Variants in RNF145 observed in about 807,000 individuals in gnomAD.
RNF145 encodes ring finger protein 145.
A neutral mutation model predicts 57.3 loss-of-function variants in RNF145; 12 were observed. That is an observed-to-expected ratio of 0.21 (90% confidence interval 0.13 to 0.34). The LOEUF (loss-of-function observed/expected upper bound fraction) is 0.34. RNF145 is among the 10% of genes least tolerant of loss of function. The pLI is 1.00. For missense variants in RNF145, 429 were observed against 799.0 expected, an observed-to-expected ratio of 0.54 and a Z score of 5.58; for synonymous variants, 262 against 288.3, an observed-to-expected ratio of 0.91 and a Z score of 0.92.
chr5:159,171,276 T>C (rs1784546269), intron 6 of RNF145, among the ~76,000 whole-genome samples: 1 of 152,212 alleles, frequency 6.6e-6, no homozygotes, highest in African/African-American at 2.4e-5. Context: ...TTTTACAACA[T>C]GAGAATCATG....
At chr5:159,166,191 A>T (rs1381387315) in intron 8 of RNF145, among the ~76,000 whole-genome samples, 2 of 152,100 alleles carry the variant, frequency 1.3e-5, no homozygotes, top group Non-Finnish European at 2.9e-5. Context: ...AATGATGCTG[A>T]ACTTCTCTTC....
intron 9 of RNF145, among the ~76,000 whole-genome samples, chr5:159,162,216 G>C (rs1041337083): frequency 2.0e-5 from 3 of 151,930 alleles, no homozygotes; most frequent in Non-Finnish European, 2.9e-5. Flanking sequence ...TATACATCGT[G>C]GAACTATTGG....
intron 3 of RNF145, among the ~76,000 whole-genome samples, chr5:159,183,918 A>G (rs945792328): frequency 7.9e-5 from 12 of 152,204 alleles, no homozygotes; most frequent in African/African-American, 2.9e-4. Context: ...TGACAGCTGC[A>G]CAACATTATG....
rs1050528098 is a variant in RNF145, at chr5:159,209,361, G to A, written c.-170C>T. ...GGGCCGGTACGGCACGGCTCACAGC[G>A]GCGGCTCTTCTGCGCCGAGCCTCGG... On this transcript the variant is annotated 5_prime_UTR_variant, in exon 1 of 11. Coordinates refer to ENST00000424310, the MANE Select transcript of RNF145 (RefSeq NM_001199383.2). 9 of 985,932 alleles carry A rather than the reference G, an allele frequency of 9.1e-6. No homozygotes were observed. The highest frequency in any genetic ancestry group is 1.2e-4 in the Admixed American group (2 of 16,254). The allele number at this position is 985,932 out of a possible 1,614,324, so 61.1% of individuals were successfully genotyped here. A position where few individuals can be genotyped will look rare whatever the true frequency, so the allele number is the denominator to read the frequency against.
intron 3 of RNF145, among the ~76,000 whole-genome samples, chr5:159,193,441 G>A (rs1008822242): frequency 2.0e-5 from 3 of 152,082 alleles, no homozygotes; most frequent in Non-Finnish European, 4.4e-5. Flanking sequence ...AAACACCCTG[G>A]GACTTTGAGA....
At chr5:159,178,606 T>C (rs1252761794) in intron 4 of RNF145, among the ~76,000 whole-genome samples, 1 of 152,066 alleles carries the variant, frequency 6.6e-6, no homozygotes, top group East Asian at 1.9e-4. Context: ...TCTATCCATA[T>C]ACATGTTGAA....
At chr5:159,164,631 T>C (rs1784334817) in intron 8 of RNF145, among the ~76,000 whole-genome samples, 1 of 152,060 alleles carries the variant, frequency 6.6e-6, no homozygotes, top group Non-Finnish European at 1.5e-5. Context: ...AAAAGCAAAT[T>C]TCAAATAAAA....
At chr5:159,179,391 T>C (rs1166296560) in intron 4 of RNF145, among the ~76,000 whole-genome samples, 1 of 152,088 alleles carries the variant, frequency 6.6e-6, no homozygotes, top group African/African-American at 2.4e-5. Context: ...GATTCCACTA[T>C]TAGAAATATC....
chr5:159,171,852 T>C (rs1784570765), intron 6 of RNF145, among the ~76,000 whole-genome samples: 1 of 152,002 alleles, frequency 6.6e-6, no homozygotes, highest in African/African-American at 2.4e-5. Flanking sequence ...AAAGAACCAA[T>C]ATGAGAACTT....
chr5:159,188,156 G>A (rs1339331523), intron 3 of RNF145, among the ~76,000 whole-genome samples: 3 of 152,088 alleles, frequency 2.0e-5, no homozygotes, highest in Non-Finnish European at 2.9e-5. Flanking sequence ...GCCAAGGCGG[G>A]CGGATCACAA....
intron 5 of RNF145, among the ~76,000 whole-genome samples, chr5:159,176,378 C>T (rs967315717): frequency 1.3e-5 from 2 of 152,068 alleles, no homozygotes; most frequent in African/African-American, 4.8e-5. Context: ...GGTTACACAG[C>T]TAGTGAACAG....
At chr5:159,181,198 TC>T (rs1208270152) in intron 4 of RNF145, among the ~76,000 whole-genome samples, 1 of 151,306 alleles carries the variant, frequency 6.6e-6, no homozygotes, top group Admixed American at 6.6e-5. Flanking sequence ...AAAAAGATGT[TC>T]CAGGGTGAGT....
intron 2 of RNF145, among the ~76,000 whole-genome samples, chr5:159,199,647 T>C (rs1401766947): frequency 1.3e-5 from 2 of 152,140 alleles, no homozygotes; most frequent in Non-Finnish European, 2.9e-5. Flanking sequence ...CCCTCCCCAA[T>C]CCATCATCCT....
chr5:159,166,725 T>C (rs1288624746), intron 8 of RNF145, among the ~76,000 whole-genome samples: 1 of 152,224 alleles, frequency 6.6e-6, no homozygotes, highest in Non-Finnish European at 1.5e-5. Context: ...TCTCCTGCCA[T>C]GAGTGAAATA....
intron 1 of RNF145, among the ~76,000 whole-genome samples, chr5:159,204,507 T>C (rs1361816001): frequency 6.6e-6 from 1 of 151,898 alleles, no homozygotes; most frequent in African/African-American, 2.4e-5. Context: ...CAAAAAAATA[T>C]AAAATAGGGC....
chr5:159,201,201 T>C (rs973222714), intron 2 of RNF145, among the ~76,000 whole-genome samples: 1 of 152,180 alleles, frequency 6.6e-6, no homozygotes, highest in Non-Finnish European at 1.5e-5. Flanking sequence ...GCCAACCTTC[T>C]GCATACATAG....
At chr5:159,168,032 A>G (rs1237054558) in intron 8 of RNF145, among the ~76,000 whole-genome samples, 1 of 152,208 alleles carries the variant, frequency 6.6e-6, no homozygotes, top group Non-Finnish European at 1.5e-5. Context: ...ATAGAGAACT[A>G]GAAAAAAAAC....
In RNF145 at chr5:159,176,874, T is replaced by C. The variant is rs1341488825; in HGVS notation, c.386-7A>G. The C allele has an allele frequency of 1.9e-6, 3 of 1,548,460 alleles. No individual in the cohort carries two copies. The highest frequency in any genetic ancestry group is 2.7e-6 in the Non-Finnish European group (3 of 1,125,246). On this transcript the variant is annotated splice_region_variant and splice_polypyrimidine_tract_variant and intron_variant, in intron 4 of 10. Coordinates refer to ENST00000424310, the MANE Select transcript of RNF145 (RefSeq NM_001199383.2). The stretch of plus-strand genomic sequence containing the variant: ...GTACACACCACCAACTGACCTAAAA[T>C]AGGGAATAGAATACATTTAATTTTG...
intron 3 of RNF145, among the ~76,000 whole-genome samples, chr5:159,190,351 A>C (rs1785245355): frequency 6.6e-6 from 1 of 151,954 alleles, no homozygotes; most frequent in Non-Finnish European, 1.5e-5. Flanking sequence ...TATATACTTT[A>C]ATCAGGTATG....
Sources: allele counts gnomAD v4.1 joint callset (sites outside exome capture counted in the v4.1 genomes callset), GRCh38; gene constraint gnomAD v4.1.1; transcripts MANE v1.5; gene names NCBI Gene and HGNC (gene_info 2026-07-23, HGNC 2026-07-21).